MBNL2: variants seen among roughly 807,000 people sequenced by gnomAD.
MBNL2 encodes muscleblind-like protein 2.
In MBNL2, 17 loss-of-function variants were observed where a neutral mutation model predicts 41.9. The observed-to-expected ratio is 0.41, with a 90% CI of 0.28 to 0.61. The LOEUF (loss-of-function observed/expected upper bound fraction) is 0.61, where lower values mean the gene tolerates loss of function less well. Ranked by LOEUF, MBNL2 falls within the 20% of genes least tolerant of loss-of-function variation. The pLI, the probability that MBNL2 is intolerant of heterozygous loss-of-function variation, is 0.35. For synonymous variants in MBNL2, 195 were observed against 182.9 expected, an observed-to-expected ratio of 1.07 and a Z score of -0.53; for missense variants, 336 against 505.6, an observed-to-expected ratio of 0.66 and a Z score of 3.22.
chr13:97,173,876 G>C, the MBNL2 span, among the ~76,000 whole-genome samples: 13 of 152,144 alleles, frequency 8.5e-5, no homozygotes, highest in African/African-American at 3.1e-4. Flanking sequence ...TAGGAATCTT[G>C]CTTAAGTTCC....
chr13:97,185,003 C>T, the MBNL2 span, among the ~76,000 whole-genome samples: 11 of 152,260 alleles, frequency 7.2e-5, no homozygotes, highest in East Asian at 2.1e-3. Context: ...ATTCATTTTA[C>T]ATATTTCCTT....
intron 2 of MBNL2, among the ~76,000 whole-genome samples, chr13:97,301,277 A>G (rs1329086982): frequency 6.6e-6 from 1 of 152,242 alleles, no homozygotes; most frequent in African/African-American, 2.4e-5. Context: ...TATCCCTACA[A>G]CACATTATTA....
At chr13:97,219,508 G>C (rs143715135), upstream of MBNL2, among the ~76,000 whole-genome samples, 655 of 152,342 alleles carry the variant, frequency 4.3e-3, 7 homozygotes, top group Admixed American at 5.8e-3. Context: ...GTGCCAGCAT[G>C]GTCAGGTTCT....
At chr13:97,170,453 GC>G in the MBNL2 span, among the ~76,000 whole-genome samples, 1 of 152,280 alleles carries the variant, frequency 6.6e-6, no homozygotes, top group Middle Eastern at 3.4e-3. Flanking sequence ...CATGAATCCA[GC>G]CACACCACGC....
At chr13:97,384,666 G>A (rs1213832739) in intron 8 of MBNL2, among the ~76,000 whole-genome samples, 1 of 152,216 alleles carries the variant, frequency 6.6e-6, no homozygotes, top group Non-Finnish European at 1.5e-5. Context: ...TGAGCAACGT[G>A]CGAGCCTCCT....
chr13:97,146,762 G>A, the MBNL2 span, among the ~76,000 whole-genome samples: 1 of 152,178 alleles, frequency 6.6e-6, no homozygotes. Flanking sequence ...TTGTTCCCAG[G>A]TGACCATGGC....
intron 5 of MBNL2, among the ~76,000 whole-genome samples, chr13:97,347,318 C>T (rs2061975381): frequency 6.6e-6 from 1 of 152,164 alleles, no homozygotes; most frequent in African/African-American, 2.4e-5. Context: ...CTCCGTTCCC[C>T]CTCCTAGGGT....
chr13:97,291,374 T>C (rs2152975413), intron 2 of MBNL2, among the ~76,000 whole-genome samples: 1 of 152,116 alleles, frequency 6.6e-6, no homozygotes. Flanking sequence ...CCCGAGTAGT[T>C]GGGACTACAG....
At chr13:97,237,794 A>G (rs2043558064) in intron 1 of MBNL2, among the ~76,000 whole-genome samples, 1 of 152,204 alleles carries the variant, frequency 6.6e-6, no homozygotes, top group Non-Finnish European at 1.5e-5. Flanking sequence ...AATATTTTTA[A>G]GCAGGTAAAT....
the MBNL2 span, among the ~76,000 whole-genome samples, chr13:97,196,423 G>T: frequency 6.6e-6 from 1 of 152,176 alleles, no homozygotes; most frequent in South Asian, 2.1e-4. Context: ...AAATGGTTCA[G>T]AAAATTTTGA....
chr13:97,156,386 G>T, the MBNL2 span, among the ~76,000 whole-genome samples: 1 of 147,352 alleles, frequency 6.8e-6, no homozygotes, highest in Non-Finnish European at 1.5e-5. Context: ...CTGTGCAGAA[G>T]CTCTTTAGTT....
chr13:97,177,208 A>G, the MBNL2 span, among the ~76,000 whole-genome samples: 1 of 152,098 alleles, frequency 6.6e-6, no homozygotes, highest in Non-Finnish European at 1.5e-5. Context: ...GCATGGTGGC[A>G]TGTGCCTGTA....
the MBNL2 span, among the ~76,000 whole-genome samples, chr13:97,155,234 G>A: frequency 1.3e-5 from 2 of 151,944 alleles, no homozygotes; most frequent in East Asian, 3.9e-4. Context: ...CTCATTCTAA[G>A]TTGTTCTCTT....
chr13:97,228,074 G>C (rs1478280886), intron 1 of MBNL2, among the ~76,000 whole-genome samples: 6 of 152,168 alleles, frequency 3.9e-5, no homozygotes, highest in Admixed American at 1.3e-4. Context: ...CAGGGAGTTG[G>C]GGGGGAAATG....
At chr13:97,326,228 C>T (rs35520907) in intron 2 of MBNL2, among the ~76,000 whole-genome samples, 146 of 152,310 alleles carry the variant, frequency 9.6e-4, no homozygotes, top group Non-Finnish European at 1.5e-3. Flanking sequence ...CTCCTAAACC[C>T]GTAGCAATTG....
chr13:97,365,060 T>C lies in MBNL2; in HGVS notation c.1013-76T>C, dbSNP rs2063745053. On this transcript the variant is annotated intron_variant, in intron 7 of 8. Coordinates refer to ENST00000679496, the MANE Select transcript of MBNL2 (RefSeq NM_001382683.1). ...TTCTGGTTGTGCTTCAATCTCACTT[T>C]GAATGTTAACTCTAAACCGCTAACC... 1.1e-5 allele frequency: 10 copies of C among 924,982 alleles called. No homozygotes were observed. In the South Asian group the frequency reaches 1.3e-4, roughly 12 times the overall value. 57.3% of individuals were successfully genotyped at this position (924,982 alleles called of 1,614,324 possible). A position where few individuals can be genotyped will look rare whatever the true frequency, so the allele number is the denominator to read the frequency against.
In MBNL2 at chr13:97,333,749, C is replaced by T. The variant is rs190598486; in HGVS notation, c.175-527C>T. On this transcript the variant is annotated intron_variant, in intron 2 of 8. Coordinates refer to ENST00000679496, the MANE Select transcript of MBNL2 (RefSeq NM_001382683.1). ...TGTTACATAATTATTCATATTTGGACATCACTCTAGCATGTACAGACAACT... is the reference window on the plus strand; with the variant it reads ...TGTTACATAATTATTCATATTTGGATATCACTCTAGCATGTACAGACAACT... Among the ~76,000 whole-genome samples the T allele has an allele frequency of 2.0e-5, 3 of 152,142 alleles. No individual in the cohort carries two copies. The East Asian group carries it at 5.8e-4, about 29-fold the overall frequency.
At chr13:97,332,268 A>G (rs2060495485) in intron 2 of MBNL2, among the ~76,000 whole-genome samples, 1 of 152,194 alleles carries the variant, frequency 6.6e-6, no homozygotes, top group South Asian at 2.1e-4. Flanking sequence ...TGCATTCTGT[A>G]TAACCCTCCT....
chr13:97,243,910 A>G (rs950171379), intron 1 of MBNL2, among the ~76,000 whole-genome samples: 1 of 152,100 alleles, frequency 6.6e-6, no homozygotes, highest in African/African-American at 2.4e-5. Context: ...AGGAGAAAAA[A>G]GGTAGAGGGA....
Sources: gnomAD v4.1 joint callset for allele counts (sites outside exome capture counted in the v4.1 genomes callset) on GRCh38, gnomAD v4.1.1 for gene constraint, MANE v1.5 for transcripts, NCBI Gene and HGNC (gene_info 2026-07-23, HGNC 2026-07-21) for gene names.